The following UVRAG variants were observed in gnomAD, a reference collection of about 807,000 sequenced individuals.
UVRAG encodes UV radiation resistance-associated gene protein.
A neutral mutation model predicts 78.0 loss-of-function variants in UVRAG; 19 were observed. That is an observed-to-expected ratio of 0.24 (90% confidence interval 0.17 to 0.36). The LOEUF (loss-of-function observed/expected upper bound fraction) is 0.36, where lower values mean the gene tolerates loss of function less well. UVRAG is among the 10% of genes least tolerant of loss of function. The pLI, the probability that UVRAG is intolerant of heterozygous loss-of-function variation, is 1.00. For synonymous variants in UVRAG, 323 were observed against 324.6 expected (o/e 1.00, Z 0.05); for missense variants, 740 against 853.8 (o/e 0.87, Z 1.66).
At chr11:75,894,802 C>CAA (rs375833755) in intron 5 of UVRAG, among the ~76,000 whole-genome samples, 58 of 60,180 alleles carry the variant, frequency 9.6e-4, no homozygotes, top group African/African-American at 2.3e-3. Flanking sequence ...CCGTCTCTAC[C>CAA]AAAAAAAAAA....
At chr11:75,882,253 G>T (rs376299637) in intron 4 of UVRAG, among the ~76,000 whole-genome samples, 4 of 151,294 alleles carry the variant, frequency 2.6e-5, no homozygotes, top group African/African-American at 9.8e-5. Context: ...GCTCATGCCT[G>T]TAACCTTGGG....
intron 5 of UVRAG, among the ~76,000 whole-genome samples, chr11:75,901,974 A>G (rs1396763290): frequency 1.3e-5 from 2 of 151,988 alleles, no homozygotes; most frequent in African/African-American, 4.8e-5. Flanking sequence ...CCCTTATCCT[A>G]TTATATTCTG....
At chr11:76,126,722 T>A (rs978257637) in intron 14 of UVRAG, among the ~76,000 whole-genome samples, 1 of 152,004 alleles carries the variant, frequency 6.6e-6, no homozygotes, top group Admixed American at 6.5e-5. Context: ...AATTCATTTA[T>A]ACATAAAACA....
At position 76,140,933 on chromosome 11, in the gene UVRAG, C is replaced by T. The variant is rs1348107145; in HGVS notation, c.1620C>T (p.Thr540=). 20 of 1,613,958 alleles carry T rather than the reference C, an allele frequency of 1.2e-5. No homozygotes were observed. The Middle Eastern group carries it at 6.6e-4, about 53-fold the overall frequency. Residue 540 remains threonine (T), a synonymous_variant, in exon 15 of 15, where the codon ACC becomes ACT. Transcript: ENST00000356136. Reference sequence around the variant, plus strand: ...CCACCGTCCCCTCCATGGGAGAGACCGAGAGAAAGATAACATCTCTATCCT... The same window carrying T: ...CCACCGTCCCCTCCATGGGAGAGACTGAGAGAAAGATAACATCTCTATCCT... The part of the protein sequence containing the change: ...PVTTVPSMGE[T]ERKITSLSSS...
intron 12 of UVRAG, among the ~76,000 whole-genome samples, chr11:76,022,687 A>G (rs922894804): frequency 4.6e-5 from 7 of 152,308 alleles, no homozygotes; most frequent in African/African-American, 1.4e-4. Flanking sequence ...AAGATGGCAT[A>G]TAGTTGGAGC....
At chr11:76,101,675 A>G (rs1472570412) in intron 13 of UVRAG, among the ~76,000 whole-genome samples, 2 of 152,082 alleles carry the variant, frequency 1.3e-5, no homozygotes, top group African/African-American at 2.4e-5. Flanking sequence ...CCAGAATGGT[A>G]TTGCCTAGGT....
chr11:76,033,560 A>C (rs1950476093), intron 12 of UVRAG, among the ~76,000 whole-genome samples: 1 of 152,154 alleles, frequency 6.6e-6, no homozygotes, highest in Non-Finnish European at 1.5e-5. Context: ...TAAGAAAAAA[A>C]AACCTTGTCT....
intron 13 of UVRAG, among the ~76,000 whole-genome samples, chr11:76,071,204 A>G (rs1396014871): frequency 6.6e-6 from 1 of 152,216 alleles, no homozygotes; most frequent in Non-Finnish European, 1.5e-5. Flanking sequence ...AAAAGGACCT[A>G]CTTTAGATTA....
intron 12 of UVRAG, among the ~76,000 whole-genome samples, chr11:76,036,045 A>G (rs1407047360): frequency 2.0e-5 from 3 of 152,206 alleles, no homozygotes; most frequent in African/African-American, 7.2e-5. Flanking sequence ...ATTTGTCATT[A>G]AGAGTAAAGG....
chr11:76,091,885 G>C (rs1380934771), intron 13 of UVRAG, among the ~76,000 whole-genome samples: 1 of 151,806 alleles, frequency 6.6e-6, no homozygotes, highest in Non-Finnish European at 1.5e-5. Flanking sequence ...TCCACAACGT[G>C]CAGGTTTGTT....
Position 75,815,540 on chromosome 11 carries a change from T to C in UVRAG, c.117+16T>C, listed in dbSNP as rs908548675. 1.2e-5 allele frequency: 15 copies of C among 1,227,466 alleles called. No individual in the cohort carries two copies. The highest frequency in any genetic ancestry group is 1.5e-5 in the Non-Finnish European group (15 of 982,942). 76.0% of individuals were successfully genotyped at this position (1,227,466 alleles called of 1,614,324 possible). A position where few individuals can be genotyped will look rare whatever the true frequency, so the allele number is the denominator to read the frequency against. ...GTCTCAGCAGGTAAGCCCGCGCGGC[T>C]CGCAGCACTCGGGAGGGACCCGGGC... On this transcript the variant is annotated intron_variant, in intron 1 of 14. Transcript: ENST00000356136.
intron 1 of UVRAG, among the ~76,000 whole-genome samples, chr11:75,830,918 T>C (rs960758808): frequency 1.3e-5 from 2 of 152,252 alleles, no homozygotes; most frequent in African/African-American, 4.8e-5. Flanking sequence ...GTTCAAATCC[T>C]GGTCCAGCTA....
chr11:76,076,516 G>T (rs1951406813), intron 13 of UVRAG, among the ~76,000 whole-genome samples: 2 of 152,004 alleles, frequency 1.3e-5, no homozygotes, highest in South Asian at 4.2e-4. Context: ...CCTCCCACTG[G>T]GTCCCTCCCA....
At chr11:75,866,150 A>T (rs1029073643) in intron 3 of UVRAG, among the ~76,000 whole-genome samples, 1 of 151,928 alleles carries the variant, frequency 6.6e-6, no homozygotes, top group African/African-American at 2.4e-5. Flanking sequence ...TAAGTCTCAG[A>T]GGCGGAGGTT....
At chr11:76,057,173 T>A (rs1950999876) in intron 12 of UVRAG, among the ~76,000 whole-genome samples, 1 of 152,146 alleles carries the variant, frequency 6.6e-6, no homozygotes. Context: ...TGGAAAATCT[T>A]TTGATGGTTC....
intron 7 of UVRAG, among the ~76,000 whole-genome samples, chr11:75,975,458 G>T (rs569106875): frequency 6.6e-6 from 1 of 152,198 alleles, no homozygotes; most frequent in East Asian, 1.9e-4. Context: ...ACCTTGGGCA[G>T]TGTGGCCATT....
At chr11:75,843,957 T>TG (rs1167075996) in intron 1 of UVRAG, among the ~76,000 whole-genome samples, 60 of 115,016 alleles carry the variant, frequency 5.2e-4, no homozygotes, top group African/African-American at 1.4e-3. Flanking sequence ...AGACGCCATC[T>TG]AAAAAAAAAA....
rs189618158 is a variant in UVRAG at position 75,921,881 on chromosome 11, G to A, written c.593+9842G>A. 6.6e-4 allele frequency among the ~76,000 whole-genome samples: 100 copies of A among 151,674 alleles called. 1 individual carries two copies. The Middle Eastern group carries it at 0.01, about 15-fold the overall frequency. On this transcript the variant is annotated intron_variant, in intron 6 of 14. Coordinates refer to ENST00000356136, the MANE Select transcript of UVRAG (RefSeq NM_003369.4). ...TATACTGGGATCTATTTCTGGATTC[G>A]CTCTTTTTTTGTTTATCTTATCCTT... is the stretch of plus-strand genomic sequence containing the variant.
At chr11:76,018,534 G>A (rs568481193) in intron 12 of UVRAG, among the ~76,000 whole-genome samples, 11 of 152,020 alleles carry the variant, frequency 7.2e-5, no homozygotes, top group South Asian at 6.2e-4. Context: ...TCAGCCTCCC[G>A]AGTAGCTGGG....
Sources: allele counts gnomAD v4.1 joint callset (sites outside exome capture counted in the v4.1 genomes callset), GRCh38; gene constraint gnomAD v4.1.1; transcripts MANE v1.5; gene names NCBI Gene and HGNC (gene_info 2026-07-23, HGNC 2026-07-21).